The following ERAP1 variants were observed in gnomAD, a reference collection of about 807,000 sequenced individuals.
The protein encoded by ERAP1 is endoplasmic reticulum aminopeptidase 1, also known as adipocyte-derived leucine aminopeptidase.
In ERAP1, 86 loss-of-function variants were observed where a neutral mutation model predicts 103.7. The ratio of observed to expected loss-of-function variants is 0.83; its 90% CI spans 0.70 to 0.99. The LOEUF is 0.99. Ranked by LOEUF, ERAP1 falls within the 50% of genes least tolerant of loss-of-function variation. The pLI is 0.00. For synonymous variants in ERAP1, 398 were observed against 402.4 expected (o/e 0.99, Z 0.13); for missense variants, 1,009 against 1,128.4 (o/e 0.89, Z 1.52).
intron 15 of ERAP1, among the ~76,000 whole-genome samples, chr5:96,782,307 C>G (rs1440732436): frequency 6.6e-6 from 1 of 151,968 alleles, no homozygotes. Flanking sequence ...CCGCGCCTGG[C>G]CTAGTTACAC....
chr5:96,788,275 T>A (rs1776321602), intron 11 of ERAP1, among the ~76,000 whole-genome samples: 1 of 152,112 alleles, frequency 6.6e-6, no homozygotes, highest in South Asian at 2.1e-4. Context: ...GAAATTACCA[T>A]CATATCAAAT....
At chr5:96,896,485 AT>A in the ERAP1 span, 1 of 1,613,310 alleles carries the variant, frequency 6.2e-7, no homozygotes, top group African/African-American at 1.3e-5. Flanking sequence ...GAAATGTTTG[AT>A]GAAGTTTCCT....
the ERAP1 span, among the ~76,000 whole-genome samples, chr5:96,898,319 C>G: frequency 1.3e-5 from 2 of 151,916 alleles, no homozygotes; most frequent in Non-Finnish European, 1.5e-5. Context: ...ACTTATGGTC[C>G]AACTGATGTG....
the ERAP1 span, among the ~76,000 whole-genome samples, chr5:96,924,113 C>G: frequency 2.0e-5 from 3 of 152,228 alleles, no homozygotes; most frequent in African/African-American, 7.2e-5. Context: ...TTGCCTCAGG[C>G]TGATCCTGCT....
At chr5:96,896,249 C>A in the ERAP1 span, 2 of 716,900 alleles carry the variant, frequency 2.8e-6, no homozygotes, top group East Asian at 3.0e-5. Context: ...AGAAAAGAAA[C>A]ATCTCCCAAG....
chr5:96,903,607 AC>A, the ERAP1 span: 1 of 1,505,588 alleles, frequency 6.6e-7, no homozygotes, highest in Non-Finnish European at 9.0e-7. Context: ...CTGATTCGTA[AC>A]CAGATATGCT....
At chr5:96,770,498 A>G, downstream of ERAP1, 4 of 1,433,766 alleles carry the variant, frequency 2.8e-6, no homozygotes, top group Non-Finnish European at 3.9e-6. Flanking sequence ...GATTGGTGAT[A>G]GCCATAGCCT....
intron 3 of ERAP1, 32 bp from the exon 4 acceptor site, chr5:96,797,341 A>G: frequency 6.2e-7 from 1 of 1,601,802 alleles, no homozygotes; most frequent in Non-Finnish European, 8.6e-7. Context: ...TTATCAAGTA[A>G]TCCAATTATC....
chr5:96,901,550 T>C, the ERAP1 span: 5 of 1,614,132 alleles, frequency 3.1e-6, no homozygotes, highest in Non-Finnish European at 3.4e-6. Flanking sequence ...AGATGATGAC[T>C]ACATGGACTC....
the ERAP1 span, chr5:96,892,520 C>A: frequency 1.9e-6 from 3 of 1,562,712 alleles, no homozygotes; most frequent in African/African-American, 2.7e-5. Context: ...CACGACCAAT[C>A]TTCCTGAAAC....
chr5:96,843,691 C>T, the ERAP1 span, among the ~76,000 whole-genome samples: 1 of 152,120 alleles, frequency 6.6e-6, no homozygotes, highest in Non-Finnish European at 1.5e-5. Flanking sequence ...GAAACTCAGA[C>T]ACCCACCAAA....
rs1581639033 is a variant in ERAP1, at chr5:96,803,909, G to A, written c.18C>T (p.Leu6=). The A allele has an allele frequency of 6.2e-7, 1 of 1,607,554 alleles. No homozygotes were observed. The change falls in exon 2 of 19, where the codon CTC becomes CTT. Residue 6 remains leucine (L), a synonymous_variant. Coordinates refer to ENST00000443439, the MANE Select transcript of ERAP1 (RefSeq NM_001040458.3). MVFLP[L]KWSLATMSFL... is the part of the protein sequence containing the mutation. ...ATGACATGGTTGCAAGGGACCATTT[G>A]AGGGGCAGAAACACCATCTTCTTGC...
the ERAP1 span, among the ~76,000 whole-genome samples, chr5:96,891,144 G>A: frequency 1.3e-5 from 2 of 152,032 alleles, no homozygotes; most frequent in African/African-American, 4.8e-5. Flanking sequence ...GAATTAACCA[G>A]TATTAACTCC....
At position 96,790,301 on chromosome 5, in the gene ERAP1, A is replaced by T; in HGVS notation, c.1519T>A (p.Ser507Thr). The T allele has an allele frequency of 6.2e-7, 1 of 1,614,014 alleles. No homozygotes were observed. Among genetic ancestry groups the T allele is most frequent in the Non-Finnish European group, 8.5e-7 (1 of 1,179,898 alleles). Residue 507 changes from serine (S) to threonine (T), a missense_variant, in exon 10 of 19, where the codon TCC becomes ACC. Physicochemically the swap from Ser to Thr is moderately conservative, Grantham distance 58. Around this residue, in one of 3 missense-constraint regions of ERAP1, gnomAD observed 611 missense variants for 651.7 expected, o/e 0.94. Coordinates refer to ENST00000443439, the MANE Select transcript of ERAP1 (RefSeq NM_001040458.3). ...GTACAGATATAGAAACTTACTGAGG[A>T]TGAAGATGAATGTTGACTTCTAGAG... is the stretch of plus-strand genomic sequence containing the variant. ...FCSRSQHSSS[S>T]SHWHQEGVDV...
intron 18 of ERAP1, among the ~76,000 whole-genome samples, chr5:96,779,058 A>G (rs1445209917): frequency 1.3e-5 from 2 of 152,110 alleles, no homozygotes; most frequent in African/African-American, 4.8e-5. Flanking sequence ...AATGTCTCCT[A>G]ATCATCCTAT....
the ERAP1 span, among the ~76,000 whole-genome samples, chr5:96,847,522 A>G: frequency 6.6e-6 from 1 of 152,204 alleles, no homozygotes; most frequent in Non-Finnish European, 1.5e-5. Context: ...AACAGAATAC[A>G]CATACTTCTC....
chr5:96,803,551 G>C lies in ERAP1; in HGVS notation c.376C>G (p.Pro126Ala), dbSNP rs747411668. 6.2e-7 allele frequency: 1 copy of C among 1,613,756 alleles called. No individual in the cohort carries two copies. Among genetic ancestry groups the C allele is most frequent in the South Asian group, 1.1e-5 (1 of 91,076 alleles). ...SEEPLQVLEH[P>A]RQEQIALLAP... ...AGCAGTGCAATTTGCTCCTGACGGG[G>C]GTGTTCCAGGACCTGCAGGGGTTCT... is the stretch of plus-strand genomic sequence containing the variant. Residue 126 changes from proline (P) to alanine (A), a missense_variant, in exon 2 of 19, where the codon CCC becomes GCC. By Grantham distance (27) the Pro-to-Ala change is conservative. Transcript: ENST00000443439.
At chr5:96,924,659 G>A in the ERAP1 span, among the ~76,000 whole-genome samples, 68 of 151,550 alleles carry the variant, frequency 4.5e-4, no homozygotes, top group Non-Finnish European at 6.9e-4. Flanking sequence ...ATGCAATGGC[G>A]TGATCTCGGC....
the ERAP1 span, among the ~76,000 whole-genome samples, chr5:96,854,254 A>G: frequency 1.3e-5 from 2 of 152,244 alleles, no homozygotes; most frequent in Non-Finnish European, 2.9e-5. Context: ...AGCAGTGTCT[A>G]TCTGGCAAAT....
Sources: gnomAD v4.1 joint callset for allele counts (sites outside exome capture counted in the v4.1 genomes callset) on GRCh38, gnomAD v4.1.1 for gene constraint, gnomAD v4.1.1 regional missense constraint, MANE v1.5 for transcripts, NCBI Gene and HGNC (gene_info 2026-07-23, HGNC 2026-07-21) for gene names.